The following PCDH15 variants were observed in gnomAD, a reference collection of about 807,000 sequenced individuals.
PCDH15 encodes the protein protocadherin-15.
PCDH15 carries 129 observed loss-of-function variants against 178.5 expected under a neutral mutation model. That is an observed-to-expected ratio of 0.72 (90% CI 0.63 to 0.84). The LOEUF is 0.84. Ranked by LOEUF, PCDH15 falls within the 40% of genes least tolerant of loss-of-function variation. The pLI is 0.00. For missense variants in PCDH15, 2,230 were observed against 2,099.9 expected (o/e 1.06, Z -1.21); for synonymous variants, 800 against 732.0 (o/e 1.09, Z -1.50).
chr10:54,798,055 C>T (rs2133668981), intron 1 of PCDH15, among the ~76,000 whole-genome samples: 1 of 152,114 alleles, frequency 6.6e-6, no homozygotes, highest in East Asian at 1.9e-4. Flanking sequence ...TTCTTGTCAC[C>T]ATTTCAACCT....
At chr10:55,027,041 A>G (rs2131961794) in intron 2 of PCDH15, among the ~76,000 whole-genome samples, 1 of 152,098 alleles carries the variant, frequency 6.6e-6, no homozygotes, top group East Asian at 1.9e-4. Context: ...AAGATGGGAT[A>G]GGAGTATGTG....
chr10:54,514,990 G>A (rs1352873315), intron 3 of PCDH15, among the ~76,000 whole-genome samples: 1 of 152,168 alleles, frequency 6.6e-6, no homozygotes, highest in East Asian at 1.9e-4. Context: ...AATCACTTGG[G>A]GGATGGAGCC....
intron 2 of PCDH15, among the ~76,000 whole-genome samples, chr10:54,901,723 T>A (rs559546565): frequency 6.6e-6 from 1 of 152,108 alleles, no homozygotes; most frequent in African/African-American, 2.4e-5. Context: ...TCACTGAAAA[T>A]GACTTGATAA....
intron 2 of PCDH15, among the ~76,000 whole-genome samples, chr10:55,599,060 G>A (rs1298888437): frequency 4.6e-5 from 7 of 152,250 alleles, no homozygotes; most frequent in East Asian, 3.9e-4. Context: ...ATATAGTACC[G>A]TAAGGGAACA....
intron 17 of PCDH15, among the ~76,000 whole-genome samples, chr10:54,067,959 T>A (rs2094168666): frequency 7.0e-6 from 1 of 142,550 alleles, no homozygotes; most frequent in Non-Finnish European, 1.6e-5. Flanking sequence ...TCAAGTGATT[T>A]TTTTTATTTT....
chr10:54,918,080 A>T (rs1182493618), intron 2 of PCDH15, among the ~76,000 whole-genome samples: 1 of 152,126 alleles, frequency 6.6e-6, no homozygotes, highest in Non-Finnish European at 1.5e-5. Flanking sequence ...TGTTAAACAC[A>T]TCATAACCCA....
chr10:54,244,904 T>C (rs146204561), intron 8 of PCDH15, among the ~76,000 whole-genome samples: 2 of 152,222 alleles, frequency 1.3e-5, no homozygotes, highest in African/African-American at 4.8e-5. Context: ...AATTTATTTG[T>C]TCATAATTTT....
chr10:54,420,416 G>A (rs1309521972), intron 3 of PCDH15, among the ~76,000 whole-genome samples: 2 of 152,012 alleles, frequency 1.3e-5, no homozygotes, highest in African/African-American at 2.4e-5. Flanking sequence ...TAAGCAAGAC[G>A]GAGCTCATGA....
chr10:54,133,404 G>A (rs984750178), intron 14 of PCDH15, among the ~76,000 whole-genome samples: 1 of 152,020 alleles, frequency 6.6e-6, no homozygotes, highest in African/African-American at 2.4e-5. Context: ...ACCAGCAGAG[G>A]GAGTATTGAT....
At chr10:54,307,078 ATACATATATATATATGTGTGTGTGTG>A (rs2133389830) in intron 8 of PCDH15, among the ~76,000 whole-genome samples, 1 of 9,318 alleles carries the variant, frequency 1.1e-4, no homozygotes, top group African/African-American at 4.0e-4. Flanking sequence ...ATATATATAT[ATACATATATATATATGTGTGTGTGTG>A]TATATATATA....
chr10:54,237,877 A>T (rs2054797385), intron 8 of PCDH15, among the ~76,000 whole-genome samples: 1 of 152,216 alleles, frequency 6.6e-6, no homozygotes, highest in Admixed American at 6.5e-5. Context: ...AATTAACTGT[A>T]CTGCAAATCT....
intron 15 of PCDH15, among the ~76,000 whole-genome samples, chr10:54,112,352 C>T (rs1173722756): frequency 6.6e-6 from 1 of 151,340 alleles, no homozygotes; most frequent in East Asian, 1.9e-4. Flanking sequence ...TGATCTAGTC[C>T]CCAGTCATGA....
At chr10:54,094,013 G>A (rs928588289) in intron 15 of PCDH15, among the ~76,000 whole-genome samples, 1 of 152,170 alleles carries the variant, frequency 6.6e-6, no homozygotes, top group Non-Finnish European at 1.5e-5. Context: ...TATGACAGCA[G>A]TTATCTTTCT....
At chr10:54,485,490 T>G (rs1458978433) in intron 3 of PCDH15, among the ~76,000 whole-genome samples, 1 of 151,964 alleles carries the variant, frequency 6.6e-6, no homozygotes, top group Non-Finnish European at 1.5e-5. Context: ...GCATAATGCT[T>G]GCTACATTTC....
intron 3 of PCDH15, among the ~76,000 whole-genome samples, chr10:54,850,390 C>A (rs1430512179): frequency 6.6e-6 from 1 of 151,992 alleles, no homozygotes; most frequent in Non-Finnish European, 1.5e-5. Flanking sequence ...ACCCATCACC[C>A]AAGCAGTATA....
chr10:54,499,552 C>A (rs1192202552), intron 3 of PCDH15, among the ~76,000 whole-genome samples: 4 of 152,056 alleles, frequency 2.6e-5, no homozygotes, highest in African/African-American at 7.2e-5. Flanking sequence ...GGAAATTAAA[C>A]AACTTGCTCC....
chr10:54,202,490 T>C (rs116814746), intron 10 of PCDH15, among the ~76,000 whole-genome samples: 1 of 152,032 alleles, frequency 6.6e-6, no homozygotes, highest in Non-Finnish European at 1.5e-5. Flanking sequence ...CTGATGTACC[T>C]AAGAATAGAA....
intron 2 of PCDH15, among the ~76,000 whole-genome samples, chr10:54,551,522 A>G (rs904572794): frequency 1.4e-4 from 21 of 152,160 alleles, no homozygotes; most frequent in Admixed American, 1.3e-4. Context: ...GCAAAATATT[A>G]TAAAAATAGC....
At chr10:55,601,786 T>A (rs920422400) in intron 2 of PCDH15, among the ~76,000 whole-genome samples, 2 of 151,912 alleles carry the variant, frequency 1.3e-5, no homozygotes, top group Admixed American at 6.6e-5. Context: ...GATACAAGAA[T>A]AAGAGAGGTA....
Sources: gnomAD v4.1 joint callset for allele counts (sites outside exome capture counted in the v4.1 genomes callset) on GRCh38, gnomAD v4.1.1 for gene constraint, MANE v1.5 for transcripts, NCBI Gene and HGNC (gene_info 2026-07-23, HGNC 2026-07-21) for gene names.